NOP2: variants seen among roughly 807,000 people sequenced by gnomAD.
NOP2 encodes the protein NOP2 nucleolar protein.
A neutral mutation model predicts 72.7 loss-of-function variants in NOP2; 7 were observed. The observed-to-expected ratio is 0.10, with a 90% confidence interval of 0.05 to 0.18. The LOEUF is 0.18. Among genes scored for constraint, NOP2 ranks in the 10% least tolerant of loss-of-function variants. The pLI is 1.00. For missense variants in NOP2, 954 were observed against 1,014.7 expected (o/e 0.94, Z 0.81); for synonymous variants, 387 against 388.0 (o/e 1.00, Z 0.03).
Position 6,566,080 on chromosome 12 carries a change from GC to G in NOP2, c.474+20del. 1 of 1,576,478 alleles carries G rather than the reference GC, an allele frequency of 6.3e-7. No homozygotes were observed. The highest frequency in any genetic ancestry group is 8.7e-7 in the Non-Finnish European group (1 of 1,150,172). ...AAATAGCAAGGATCCTTCTATGAAT[GC>G]CCAAAAAGATGAATCTCACCGCTTC... On this transcript the variant is annotated intron_variant, in intron 5 of 15. Transcript: ENST00000322166.
chr12:6,558,632 TAG>T (rs1202883990), intron 15 of NOP2, among the ~76,000 whole-genome samples: 45 of 147,496 alleles, frequency 3.1e-4, no homozygotes, highest in Admixed American at 2.8e-3. Context: ...TTTTTTGAGG[TAG>T]AGTCTCACTG....
Position 6,561,184 on chromosome 12 carries a change from G to A in NOP2, c.1208-114C>T, listed in dbSNP as rs1004770322. Reference sequence around the variant, plus strand: ...AGTGTCATCACCTCAAGGCAACTTCGCTCCCAACAAGCCTGCCTACTGTAT... The same window carrying A: ...AGTGTCATCACCTCAAGGCAACTTCACTCCCAACAAGCCTGCCTACTGTAT... On this transcript the variant is annotated intron_variant, in intron 11 of 15. Coordinates refer to ENST00000322166, the MANE Select transcript of NOP2 (RefSeq NM_001258308.2). 7 of 1,299,776 alleles carry A rather than the reference G, an allele frequency of 5.4e-6. No individual in the cohort carries two copies. The African/African-American group carries it at 7.3e-5, about 14-fold the overall frequency. The allele number at this position is 1,299,776 out of a possible 1,614,324, so 80.5% of individuals were successfully genotyped here.
chr12:6,561,903 A>G lies in NOP2; in HGVS notation c.1047T>C (p.Tyr349=). The change falls in exon 10 of 16, where the codon TAT becomes TAC. Residue 349 remains tyrosine, a synonymous_variant. Transcript: ENST00000322166. ...GKWSKTGLVV[Y]DSSVPIGATP... ...ACTTACCAATGGGCACAGAAGAATCATACACCACTAGTCCAGTCTTTGACC... is the reference window on the plus strand; with the variant it reads ...ACTTACCAATGGGCACAGAAGAATCGTACACCACTAGTCCAGTCTTTGACC... 6.2e-7 allele frequency: 1 copy of G among 1,611,882 alleles called. No homozygotes were observed.
At chr12:6,568,013 A>G (rs1421927764) in intron 1 of NOP2, 91 bp from the exon 2 acceptor site, 1 of 949,282 alleles carries the variant, frequency 1.1e-6, no homozygotes, top group Non-Finnish European at 1.6e-6. Context: ...GGGAAAGGGC[A>G]CAGCCTCAAC....
intron 2 of NOP2, 186 bp downstream of exon 2, chr12:6,567,630 C>T: frequency 1.9e-6 from 1 of 524,358 alleles, no homozygotes; most frequent in Non-Finnish European, 3.4e-6. Flanking sequence ...GTGTCCGTGT[C>T]TTCACATCTC....
intron 3 of NOP2, 71 bp downstream of exon 3, chr12:6,566,706 T>C: frequency 2.5e-6 from 4 of 1,586,358 alleles, no homozygotes; most frequent in Non-Finnish European, 3.5e-6. Context: ...TGTGAGAGTC[T>C]AGAATTAACT....
At chr12:6,567,666 C>T in intron 2 of NOP2, 150 bp downstream of exon 2, 1 of 616,160 alleles carries the variant, frequency 1.6e-6, no homozygotes, top group South Asian at 2.1e-5. Flanking sequence ...TCCCTACAAT[C>T]TAAACGGCTG....
chr12:6,557,169 C>G lies in NOP2; in HGVS notation c.2263G>C (p.Val755Leu), dbSNP rs765896220. The G allele has an allele frequency of 6.2e-7, 1 of 1,614,000 alleles. No homozygotes were observed. Among genetic ancestry groups the G allele is most frequent in the Non-Finnish European group, 8.5e-7 (1 of 1,179,896 alleles). The stretch of plus-strand genomic sequence containing the variant: ...TGCTCTGGCAACTGCTGCTTCTCAA[C>G]CCCCTTGGCCCTTCCAAGGGGCTGA... ...HHQPLGRAKG[V>L]EKQQLPEQPF... Residue 755 changes from valine to leucine, a missense_variant, in exon 16 of 16, where the codon GTT becomes CTT. By Grantham distance (32) the Val-to-Leu change is conservative (BLOSUM62 1). Coordinates refer to ENST00000322166, the MANE Select transcript of NOP2 (RefSeq NM_001258308.2).
chr12:6,559,849 C>A (rs779356455), intron 15 of NOP2, among the ~76,000 whole-genome samples: 1 of 152,196 alleles, frequency 6.6e-6, no homozygotes, highest in Non-Finnish European at 1.5e-5. Context: ...TAGTGCTGAA[C>A]AACTGCAGCC....
Position 6,560,928 on chromosome 12 carries a change from C to T in NOP2, c.1347+3G>A. On this transcript the variant is annotated splice_donor_region_variant and intron_variant, in intron 12 of 15. Coordinates refer to ENST00000322166, the MANE Select transcript of NOP2 (RefSeq NM_001258308.2). This position sits in a 1 kb window ranked among gnomAD's most constrained non-coding sequence, Gnocchi z 5.0. ...CTCAGAAGACACACAGCTCGAGTCT[C>T]ACCTTGGGGAACTGGCGCCCATCAT... 1 of 1,613,844 alleles carries T rather than the reference C, an allele frequency of 6.2e-7. No homozygotes were observed. Among genetic ancestry groups the T allele is most frequent in the Non-Finnish European group, 8.5e-7 (1 of 1,179,808 alleles).
At chr12:6,564,718 C>T (rs958698618) in intron 5 of NOP2, among the ~76,000 whole-genome samples, 22 of 150,638 alleles carry the variant, frequency 1.5e-4, no homozygotes, top group Non-Finnish European at 2.8e-4. Context: ...TGTGAGCCAC[C>T]GTGCCTGGCC....
rs1947515155 is a variant in NOP2, at chr12:6,557,375, G to A, written c.2057C>T (p.Ala686Val). 7 of 1,613,912 alleles carry A rather than the reference G, an allele frequency of 4.3e-6. No individual in the cohort carries two copies. The Admixed American group carries it at 1.2e-4, about 27-fold the overall frequency. The change falls in exon 16 of 16, where the codon GCC (alanine) becomes GTC (valine). Residue 686 changes from alanine to valine, a missense_variant. This residue lies in a region of NOP2 where 269 missense variants were observed against 260.2 expected (regional missense o/e 1.03). Coordinates refer to ENST00000322166, the MANE Select transcript of NOP2 (RefSeq NM_001258308.2). ...FQDSSQPAGKAEGIREPKVTG... is the reference protein window; with the variant it reads ...FQDSSQPAGKVEGIREPKVTG... The stretch of plus-strand genomic sequence containing the variant: ...CACCTTTGGCTCCCTGATCCCTTCG[G>A]CTTTTCCAGCTGGCTGACTGCTATC...
Position 6,557,430 on chromosome 12 carries a change from T to C in NOP2, c.2002A>G (p.Thr668Ala), listed in dbSNP as rs755266985. ...AAGCTGGAGGAAGCTTGGGTCTTTG[T>C]GACAGAAGGTACAGTGGACAATTCT... ...DSELSTVPSV[T>A]KTQASSSFQD... Residue 668 changes from threonine (T) to alanine (A), a missense_variant, in exon 16 of 16, where the codon ACA becomes GCA. Thr to Ala is a moderately conservative substitution (Grantham distance 58). Coordinates refer to ENST00000322166, the MANE Select transcript of NOP2 (RefSeq NM_001258308.2). 44 of 1,613,936 alleles carry C rather than the reference T, an allele frequency of 2.7e-5. No individual in the cohort carries two copies. Among genetic ancestry groups the C allele is most frequent in the Non-Finnish European group, 3.6e-5 (42 of 1,179,904 alleles).
intron 2 of NOP2, 66 bp downstream of exon 2, chr12:6,567,750 G>A: frequency 8.1e-7 from 1 of 1,232,866 alleles, no homozygotes; most frequent in Non-Finnish European, 1.2e-6. Context: ...AACTAAAAAA[G>A]AGAAGAGGTT....
In NOP2 at chr12:6,557,646, G is replaced by A. The variant is rs764363729; in HGVS notation, c.1790-4C>T. The A allele has an allele frequency of 1.2e-6, 2 of 1,602,768 alleles. No homozygotes were observed. Among genetic ancestry groups the A allele is most frequent in the South Asian group, 1.1e-5 (1 of 89,358 alleles). ...GGTGTGGCTGTTTCAGAATTTCCTG[G>A]GGTTAAAATTAAACAGATGGTGTCA... On this transcript the variant is annotated splice_region_variant and splice_polypyrimidine_tract_variant and intron_variant, in intron 15 of 15. Coordinates refer to ENST00000322166, the MANE Select transcript of NOP2 (RefSeq NM_001258308.2).
intron 1 of NOP2, 55 bp downstream of exon 1, chr12:6,568,152 T>G (rs1380201259): frequency 3.0e-5 from 17 of 563,702 alleles, no homozygotes; most frequent in East Asian, 2.8e-4. Context: ...TCTCCCCACG[T>G]CCCAGACCAG....
At chr12:6,559,048 C>T (rs1019292627) in intron 15 of NOP2, among the ~76,000 whole-genome samples, 5 of 152,142 alleles carry the variant, frequency 3.3e-5, no homozygotes, top group Non-Finnish European at 7.3e-5. Flanking sequence ...ACCTCCACCT[C>T]CCAGGTTCAA....
rs1302679461 is a variant in NOP2, at chr12:6,557,319, A to C, written c.2113T>G (p.Leu705Val). ...AAAGCAACTTTCTTGGAGGACTGTAATTTAGGTGATCGTTGCTTTAGCTTC... is the reference window on the plus strand; with the variant it reads ...AAAGCAACTTTCTTGGAGGACTGTACTTTAGGTGATCGTTGCTTTAGCTTC... ...TGKLKQRSPK[L>V]QSSKKVAFLR... The change falls in exon 16 of 16, where the codon TTA (leucine) becomes GTA (valine). Residue 705 changes from leucine to valine, a missense_variant. This residue lies in a region of NOP2 where 269 missense variants were observed against 260.2 expected (regional missense o/e 1.03). Coordinates refer to ENST00000322166, the MANE Select transcript of NOP2 (RefSeq NM_001258308.2). 1 of 1,613,978 alleles carries C rather than the reference A, an allele frequency of 6.2e-7. No homozygotes were observed. The highest frequency in any genetic ancestry group is 8.5e-7 in the Non-Finnish European group (1 of 1,179,882).
intron 15 of NOP2, 86 bp from the exon 16 acceptor site, chr12:6,557,728 C>T (rs1947531081): frequency 7.2e-7 from 1 of 1,388,724 alleles, no homozygotes; most frequent in Admixed American, 2.6e-5. Context: ...TGAGAATTGC[C>T]ATTTCCTGGG....
Sources: gnomAD v4.1 joint callset for allele counts (sites outside exome capture counted in the v4.1 genomes callset) on GRCh38, gnomAD v4.1.1 for gene constraint, gnomAD v4.1.1 regional missense constraint, Gnocchi (gnomAD v3.1) non-coding constraint, MANE v1.5 for transcripts, NCBI Gene and HGNC (gene_info 2026-07-23, HGNC 2026-07-21) for gene names.